Variants in STRC observed in about 807,000 individuals in gnomAD.
STRC encodes stereocilin.
STRC carries 43 observed loss-of-function variants against 103.5 expected under a neutral mutation model. The ratio of observed to expected loss-of-function variants is 0.42; its 90% CI spans 0.33 to 0.54. The LOEUF is 0.54. STRC is among the 20% of genes least tolerant of loss of function. The pLI is 0.14. For synonymous variants in STRC, 186 were observed against 442.3 expected (o/e 0.42, Z 7.27); for missense variants, 499 against 1,088.5 (o/e 0.46, Z 7.62).
chr15:43,602,555 G>A (rs2085678630), intron 23 of STRC: 1 of 153,092 alleles, frequency 6.5e-6, no homozygotes, highest in Non-Finnish European at 1.4e-5. Context: ...GCTCAGTTCA[G>A]CAGCACATAC....
rs1449961675 is a variant in STRC at position 43,609,235 on chromosome 15, G to A, written c.3557+41C>T. 2.5e-6 allele frequency: 4 copies of A among 1,599,242 alleles called. 1 individual carries two copies. The highest frequency in any genetic ancestry group is 2.8e-5 in the African/African-American group (2 of 71,982). ...GCACATAGTAAGCACTCAAAAAAATGTTGGTCGAATTCAGCGCACTGCTCA... is the reference window on the plus strand; with the variant it reads ...GCACATAGTAAGCACTCAAAAAAATATTGGTCGAATTCAGCGCACTGCTCA... On this transcript the variant is annotated intron_variant, in intron 16 of 28. Coordinates refer to ENST00000450892, the MANE Select transcript of STRC (RefSeq NM_153700.2).
rs776304414 is a variant in STRC, at chr15:43,604,040, G to A, written c.4331C>T (p.Ala1444Val). The change falls in exon 22 of 29, where the codon GCC (alanine) becomes GTC (valine). Residue 1444 changes from alanine (A) to valine (V), a missense_variant. Transcript: ENST00000450892. ...TGGTCGCACCACCCCTGCTACCAGG[G>A]CTGCTTTCTTGGCAGCAAGCTGTGG... ...REPQLAAKKAALVAGVVRPAA... is the reference protein window; with the variant it reads ...REPQLAAKKAVLVAGVVRPAA... 1.9e-6 allele frequency: 3 copies of A among 1,613,310 alleles called. No homozygotes were observed. Among genetic ancestry groups the A allele is most frequent in the Admixed American group, 3.3e-5 (2 of 59,960 alleles).
In STRC at chr15:43,604,850, G is replaced by A. The variant is rs1326204508; in HGVS notation, c.3931-4C>T. 2 of 1,603,710 alleles carry A rather than the reference G, an allele frequency of 1.2e-6. No individual in the cohort carries two copies. Among genetic ancestry groups the A allele is most frequent in the African/African-American group, 2.7e-5 (2 of 74,688 alleles). On this transcript the variant is annotated splice_region_variant and splice_polypyrimidine_tract_variant and intron_variant, in intron 19 of 28. Coordinates refer to ENST00000450892, the MANE Select transcript of STRC (RefSeq NM_153700.2). ...AGACTGGAGTCTCCTTTGGAGCCTG[G>A]AGAAGAGCATCAGAACTTGGACAAT...
chr15:43,601,147 T>G, intron 24 of STRC, 133 bp from the exon 25 acceptor site: 1 of 855,328 alleles, frequency 1.2e-6, no homozygotes, highest in South Asian at 1.8e-5. Context: ...GGCTGAGGAC[T>G]CAGAAAAGAA....
chr15:43,609,217 G>A (rs1304208368), intron 16 of STRC, 59 bp downstream of exon 16: 27 of 1,538,748 alleles, frequency 1.8e-5, no homozygotes, highest in Non-Finnish European at 2.4e-5. Context: ...CTGGCACATA[G>A]TAAGCACTCA....
chr15:43,601,815 C>T (rs148162715), intron 23 of STRC: 8 of 465,232 alleles, frequency 1.7e-5, no homozygotes, highest in East Asian at 8.5e-5. Flanking sequence ...GACACAGAGA[C>T]GCTTATTAAA....
chr15:43,602,148 G>A (rs1260349956), intron 23 of STRC, among the ~76,000 whole-genome samples: 4 of 141,248 alleles, frequency 2.8e-5, no homozygotes, highest in African/African-American at 1.1e-4. Context: ...AAAAAAAAAG[G>A]AGATGCAGAT....
At position 43,601,422 on chromosome 15, in the gene STRC, G is replaced by A. The variant is rs147717802; in HGVS notation, c.4675C>T (p.Gln1559Ter). 16 of 1,613,596 alleles carry A rather than the reference G, an allele frequency of 9.9e-6. No individual in the cohort carries two copies. In the Admixed American group the frequency reaches 1.8e-4, roughly 18 times the overall value. The change falls in exon 24 of 29, where the codon CAG (glutamine) becomes TAG (stop). Residue 1559 changes from glutamine to a stop codon, truncating the protein, a stop_gained. Transcript: ENST00000450892. LOFTEE classifies it high-confidence loss of function. ...TGAGTGGTGCTCCAGCCATCTATCT[G>A]CCCCAGGGTGCTCAGCACTCCCCAG... ...VDWGVLSTLG[Q>*]IDGWSTTQLR... is the part of the protein sequence containing the mutation.
At position 43,604,155 on chromosome 15, in the gene STRC, G is replaced by A. The variant is rs1218643178; in HGVS notation, c.4219-3C>T. On this transcript the variant is annotated splice_polypyrimidine_tract_variant and splice_region_variant and intron_variant, in intron 21 of 28. Coordinates refer to ENST00000450892, the MANE Select transcript of STRC (RefSeq NM_153700.2). ...AGGGTCTCTGGACCCAAGGCCTCCT[G>A]CATGAGAAGGTAGAAGGAGAGTGGG... 1.9e-6 allele frequency: 3 copies of A among 1,608,988 alleles called. No individual in the cohort carries two copies. In the East Asian group the frequency reaches 6.7e-5, roughly 36 times the overall value.
At chr15:43,605,473 C>A in intron 18 of STRC, 74 bp from the exon 19 acceptor site, 1 of 1,552,114 alleles carries the variant, frequency 6.4e-7, no homozygotes, top group South Asian at 1.2e-5. Flanking sequence ...CAAAACCCCA[C>A]AGTCCGCAGC....
At position 43,605,479 on chromosome 15, in the gene STRC, G is replaced by C. The variant is rs150507262; in HGVS notation, c.3795-80C>G. The C allele has an allele frequency of 5.9e-4, 922 of 1,549,758 alleles. 9 individuals are homozygous for C. Among genetic ancestry groups the C allele is most frequent in the African/African-American group, 4.5e-3 (331 of 73,142 alleles). On this transcript the variant is annotated intron_variant, in intron 18 of 28. Transcript: ENST00000450892. ...AAGGGACCACAAAACCCCACAGTCC[G>C]CAGCTAAGATGTGACCCCAGACCAA...
intron 22 of STRC, among the ~76,000 whole-genome samples, 173 bp downstream of exon 22, chr15:43,603,823 A>C (rs1451375235): frequency 3.3e-5 from 5 of 152,016 alleles, no homozygotes; most frequent in Non-Finnish European, 4.4e-5. Context: ...ATAGTTTACA[A>C]ACTCCCAGAA....
chr15:43,601,803 C>T, intron 23 of STRC: 1 of 485,480 alleles, frequency 2.1e-6, no homozygotes, highest in Non-Finnish European at 3.8e-6. Context: ...TTATGTGCAT[C>T]AGACACAGAG....
chr15:43,603,012 G>A (rs534499982), intron 23 of STRC, among the ~76,000 whole-genome samples: 4 of 151,672 alleles, frequency 2.6e-5, no homozygotes, highest in African/African-American at 7.3e-5. Context: ...CTTGATGATC[G>A]TGATATGCAT....
Position 43,609,290 on chromosome 15 carries a change from G to T in STRC, c.3543C>A (p.Thr1181=). ...WKKMQVPTNL[T]LRNLQALGTL... ...AAGTTACTCACTGCAGATTCCTGAGGGTAAGGTTGGTGGGTACTTGCATCT... is the reference window on the plus strand; with the variant it reads ...AAGTTACTCACTGCAGATTCCTGAGTGTAAGGTTGGTGGGTACTTGCATCT... Residue 1181 remains threonine, a synonymous_variant, in exon 16 of 29, where the codon ACC becomes ACA. Transcript: ENST00000450892. 1 of 1,610,472 alleles carries T rather than the reference G, an allele frequency of 6.2e-7. No homozygotes were observed. The highest frequency in any genetic ancestry group is 8.5e-7 in the Non-Finnish European group (1 of 1,179,466).
rs1056453796 is a variant in STRC at position 43,601,641 on chromosome 15, G to A, written c.4546-90C>T. 3.7e-6 allele frequency: 5 copies of A among 1,358,664 alleles called. No homozygotes were observed. In the African/African-American group the frequency reaches 4.3e-5, roughly 12 times the overall value. 84.2% of individuals were successfully genotyped at this position (1,358,664 alleles called of 1,614,324 possible). A position where few individuals can be genotyped will look rare whatever the true frequency, so the allele number is the denominator to read the frequency against. ...TTAAGTCTTGCCTCTGCCCTTAGCTGTATAACTCTAGGTAAATCATTTGCC... is the reference window on the plus strand; with the variant it reads ...TTAAGTCTTGCCTCTGCCCTTAGCTATATAACTCTAGGTAAATCATTTGCC... On this transcript the variant is annotated intron_variant, in intron 23 of 28. Coordinates refer to ENST00000450892, the MANE Select transcript of STRC (RefSeq NM_153700.2).
Position 43,600,621 on chromosome 15 carries a change from G to C in STRC, c.4906C>G (p.Leu1636Val). The part of the protein sequence containing the change: ...LQCSEEQLEV[L>V]AHLLVLPGGF... ...CCAGGCAGTACAAGTAGGTGGGCCA[G>C]AACCTCCAGTTGTTCCTCAGAGCAC... Residue 1636 changes from leucine (L) to valine (V), a missense_variant, in exon 26 of 29, where the codon CTG becomes GTG. Transcript: ENST00000450892. 1 of 1,613,812 alleles carries C rather than the reference G, an allele frequency of 6.2e-7. No homozygotes were observed. Among genetic ancestry groups the C allele is most frequent in the Non-Finnish European group, 8.5e-7 (1 of 1,179,892 alleles).
In STRC at chr15:43,618,668, ACAGCAGCAGCAGCAGCAGCAGCAG is replaced by A; in HGVS notation, c.31_54del (p.Leu11_Leu18del). The A allele has an allele frequency of 2.0e-4, 7 of 34,234 alleles. No individual in the cohort carries two copies. The highest frequency in any genetic ancestry group is 2.9e-4 in the Admixed American group (1 of 3,436). The allele number at this position is 34,234 out of a possible 1,614,324, so 2.1% of individuals were successfully genotyped here. On this transcript the variant is annotated inframe_deletion, in exon 1 of 29. Transcript: ENST00000450892. The stretch of plus-strand genomic sequence containing the variant: ...TCACTGTTCTTCTTACCTGCAAAGG[ACAGCAGCAGCAGCAGCAGCAGCAG>A]CAGCAGCAGGGGCCAGAGGCTGAGA...
intron 23 of STRC, chr15:43,602,671 G>A (rs2085679962): frequency 7.5e-6 from 1 of 133,080 alleles, no homozygotes; most frequent in Non-Finnish European, 1.6e-5. Flanking sequence ...TTGAGATGGA[G>A]TCTTGCTCTG....
Sources: allele counts gnomAD v4.1 joint callset (sites outside exome capture counted in the v4.1 genomes callset), GRCh38; gene constraint gnomAD v4.1.1; transcripts MANE v1.5; gene names NCBI Gene and HGNC (gene_info 2026-07-23, HGNC 2026-07-21).